Variants in NAALADL2 observed in about 807,000 individuals in gnomAD.
The protein encoded by NAALADL2 is N-acetylated alpha-linked acidic dipeptidase like 2.
In NAALADL2, 76 loss-of-function variants were observed where a neutral mutation model predicts 87.2. The observed-to-expected ratio is 0.87, with a 90% CI of 0.72 to 1.05. NAALADL2 has a LOEUF of 1.05. Among genes scored for constraint, NAALADL2 ranks in the 50% least tolerant of loss-of-function variants. The pLI is 0.00. For synonymous variants in NAALADL2, 354 were observed against 331.0 expected, an observed-to-expected ratio of 1.07 and a Z score of -0.75; for missense variants, 1,089 against 945.8, an observed-to-expected ratio of 1.15 and a Z score of -1.99.
chr3:175,463,556 T>C, intron 7 of NAALADL2, 63 bp downstream of exon 7: 1 of 841,486 alleles, frequency 1.2e-6, no homozygotes, highest in Non-Finnish European at 1.8e-6. Flanking sequence ...AAATGCTCTG[T>C]AATAATTTAA....
chr3:174,871,465 G>C (rs1388562753), intron 1 of NAALADL2, among the ~76,000 whole-genome samples: 1 of 152,302 alleles, frequency 6.6e-6, no homozygotes, highest in East Asian at 1.9e-4. Context: ...GCCAGTGAAA[G>C]TTTGCCACAT....
At chr3:174,597,389 G>T (rs1477840839) in intron 2 of NAALADL2, among the ~76,000 whole-genome samples, 1 of 152,106 alleles carries the variant, frequency 6.6e-6, no homozygotes, top group Non-Finnish European at 1.5e-5. Flanking sequence ...AAACTATATC[G>T]TTTGCATACA....
At chr3:175,790,674 T>C (rs757972888) in intron 13 of NAALADL2, among the ~76,000 whole-genome samples, 5 of 152,204 alleles carry the variant, frequency 3.3e-5, no homozygotes, top group Non-Finnish European at 7.3e-5. Flanking sequence ...TTCTGCCTTG[T>C]CACTATACTC....
intron 9 of NAALADL2, among the ~76,000 whole-genome samples, chr3:175,516,009 T>C (rs1228157446): frequency 1.3e-5 from 2 of 152,226 alleles, no homozygotes; most frequent in African/African-American, 4.8e-5. Context: ...AGGAGAGGTA[T>C]AGTCTTTAGG....
chr3:175,068,981 C>T (rs1380810145), intron 1 of NAALADL2, among the ~76,000 whole-genome samples: 2 of 151,772 alleles, frequency 1.3e-5, no homozygotes, highest in Non-Finnish European at 2.9e-5. Context: ...GGAGAGAGTT[C>T]CAAAAACTGT....
intron 12 of NAALADL2, among the ~76,000 whole-genome samples, chr3:175,746,155 T>C (rs866157276): frequency 4.5e-4 from 68 of 151,678 alleles, no homozygotes; most frequent in African/African-American, 1.5e-3. Flanking sequence ...GAATTTGGTC[T>C]GACTTTTTTC....
At chr3:174,939,716 T>G (rs1023812907) in intron 1 of NAALADL2, among the ~76,000 whole-genome samples, 1 of 152,020 alleles carries the variant, frequency 6.6e-6, no homozygotes, top group African/African-American at 2.4e-5. Context: ...TGTAGAGATC[T>G]TTTACTTCCC....
At chr3:174,924,253 TTCCTGTGTCCAACTGTTC>T (rs1735654454) in intron 1 of NAALADL2, among the ~76,000 whole-genome samples, 2 of 114,800 alleles carry the variant, frequency 1.7e-5, no homozygotes, top group South Asian at 6.2e-4. Context: ...GATGTCCCCC[TTCCTGTGTCCAACTGTTC>T]TCATTGTTCA....
chr3:175,237,902 A>C (rs964217523), intron 3 of NAALADL2, among the ~76,000 whole-genome samples: 4 of 152,204 alleles, frequency 2.6e-5, no homozygotes, highest in African/African-American at 9.6e-5. Context: ...ATGCACGCCT[A>C]TGTCTAAGGA....
chr3:175,316,073 C>A (rs1465819521), intron 4 of NAALADL2, among the ~76,000 whole-genome samples: 1 of 152,124 alleles, frequency 6.6e-6, no homozygotes, highest in Non-Finnish European at 1.5e-5. Flanking sequence ...TCAGTCTTTG[C>A]ATTCTTTGGA....
chr3:175,198,518 C>T (rs1014207854), intron 2 of NAALADL2, among the ~76,000 whole-genome samples: 1 of 151,976 alleles, frequency 6.6e-6, no homozygotes, highest in Non-Finnish European at 1.5e-5. Context: ...TATACCTGCA[C>T]ACTTCTAGGA....
chr3:175,329,450 C>T (rs970287587), intron 5 of NAALADL2, among the ~76,000 whole-genome samples: 2 of 152,162 alleles, frequency 1.3e-5, no homozygotes, highest in Non-Finnish European at 2.9e-5. Flanking sequence ...CAAGTCATTA[C>T]CAGGTATTCC....
At chr3:174,845,871 C>T (rs9873293) in intron 3 of NAALADL2, among the ~76,000 whole-genome samples, 7 of 151,946 alleles carry the variant, frequency 4.6e-5, no homozygotes, top group African/African-American at 7.3e-5. Context: ...ATGACAGTAG[C>T]GTCTTAGGAA....
At position 175,720,720 on chromosome 3, in the gene NAALADL2, A is replaced by G. The variant is rs141112750; in HGVS notation, c.1897-16586A>G. On this transcript the variant is annotated intron_variant, in intron 11 of 13. Coordinates refer to ENST00000454872, the MANE Select transcript of NAALADL2 (RefSeq NM_207015.3). ...TTGCCTAAGTAAGAATAACAACTAG[A>G]CTGCAACTAAGGACTCCTTCATAGC... is the stretch of plus-strand genomic sequence containing the variant. Among the ~76,000 whole-genome samples, 358 of 152,238 alleles carry G rather than the reference A, an allele frequency of 2.4e-3. 3 individuals are homozygous for G. The highest frequency in any genetic ancestry group is 8.4e-3 in the African/African-American group (348 of 41,574).
At chr3:175,549,262 T>C (rs1328384933) in intron 9 of NAALADL2, among the ~76,000 whole-genome samples, 1 of 151,964 alleles carries the variant, frequency 6.6e-6, no homozygotes, top group Non-Finnish European at 1.5e-5. Context: ...AAAGCCAAAA[T>C]GGAAACCAAA....
intron 11 of NAALADL2, among the ~76,000 whole-genome samples, chr3:175,630,276 T>C (rs552994329): frequency 6.4e-4 from 98 of 151,950 alleles, no homozygotes; most frequent in Non-Finnish European, 1.2e-3. Context: ...GTACAGGATA[T>C]ATGGAGCATG....
chr3:175,798,215 A>T (rs964073396), intron 13 of NAALADL2, among the ~76,000 whole-genome samples: 4 of 152,046 alleles, frequency 2.6e-5, no homozygotes, highest in African/African-American at 7.2e-5. Flanking sequence ...AATACAATTT[A>T]TCTGGGTGAA....
At chr3:175,090,864 T>TATTGTC (rs60326915) in intron 1 of NAALADL2, among the ~76,000 whole-genome samples, 97,092 of 151,076 alleles carry the variant, frequency 0.64, 32,048 homozygotes, top group African/African-American at 0.81. Context: ...AACAAATAAT[T>TATTGTC]ATTTCTTTTA....
intron 10 of NAALADL2, among the ~76,000 whole-genome samples, chr3:175,589,682 C>G (rs1266073017): frequency 6.6e-6 from 1 of 151,060 alleles, no homozygotes; most frequent in African/African-American, 2.4e-5. Flanking sequence ...TATAAGAAAC[C>G]TTTTGTTGAG....
Sources: gnomAD v4.1 joint callset for allele counts (sites outside exome capture counted in the v4.1 genomes callset) on GRCh38, gnomAD v4.1.1 for gene constraint, MANE v1.5 for transcripts, NCBI Gene and HGNC (gene_info 2026-07-23, HGNC 2026-07-21) for gene names.